The following SGF29 variants were observed in gnomAD, a reference collection of about 807,000 sequenced individuals.
The protein encoded by SGF29 is SAGA-associated factor 29.
Under a neutral mutation model 38.1 loss-of-function variants are expected in SGF29, and 15 were observed. That is an observed-to-expected ratio of 0.39 (90% CI 0.26 to 0.61). The LOEUF is 0.61. Ranked by LOEUF, SGF29 falls within the 20% of genes least tolerant of loss-of-function variation. The probability of loss-of-function intolerance (pLI) is 0.49; values close to 1 mark genes in which losing one functional copy is unlikely to be tolerated. For missense variants in SGF29, 184 were observed against 394.6 expected, an observed-to-expected ratio of 0.47 and a Z score of 4.52; for synonymous variants, 151 against 160.8, an observed-to-expected ratio of 0.94 and a Z score of 0.46.
At position 28,589,288 on chromosome 16, in the gene SGF29, C is replaced by T. The variant is rs2046973094; in HGVS notation, c.289+124C>T. On this transcript the variant is annotated intron_variant, in intron 5 of 9. Transcript: ENST00000317058. ...CTGCTGGCATCCTCCCATGGAGGCT[C>T]TGGCAGACTGGCTCTACCACTGAGA... 5.5e-6 allele frequency: 5 copies of T among 903,494 alleles called. No homozygotes were observed. The Admixed American group carries it at 1.1e-4, about 19-fold the overall frequency. The allele number at this position is 903,494 out of a possible 1,614,324, so 56.0% of individuals were successfully genotyped here.
At chr16:28,579,886 ACAC>A (rs2046915688) in intron 1 of SGF29, among the ~76,000 whole-genome samples, 1 of 151,954 alleles carries the variant, frequency 6.6e-6, no homozygotes, top group Admixed American at 6.5e-5. Context: ...AGCCAAGATC[ACAC>A]CACTGCACTC....
chr16:28,567,659 G>T (rs1448721530), intron 1 of SGF29, among the ~76,000 whole-genome samples: 1 of 152,216 alleles, frequency 6.6e-6, no homozygotes, highest in Non-Finnish European at 1.5e-5. Context: ...GAGAGCTGTA[G>T]AGAAAGCCTC....
intron 1 of SGF29, among the ~76,000 whole-genome samples, chr16:28,579,009 G>A (rs771293698): frequency 4.6e-5 from 7 of 152,022 alleles, no homozygotes; most frequent in Admixed American, 1.3e-4. Context: ...CTGATCTCGA[G>A]CTCCTGGACT....
At chr16:28,574,558 A>G (rs904695035) in intron 1 of SGF29, among the ~76,000 whole-genome samples, 2 of 152,144 alleles carry the variant, frequency 1.3e-5, no homozygotes, top group African/African-American at 4.8e-5. Flanking sequence ...CCTGGCACCT[A>G]GTGGGTGGGG....
chr16:28,565,195 C>T (rs1418749100), intron 1 of SGF29, among the ~76,000 whole-genome samples: 1 of 152,168 alleles, frequency 6.6e-6, no homozygotes, highest in African/African-American at 2.4e-5. Flanking sequence ...ACGGTGCCCA[C>T]CCATATGGAG....
In SGF29 at chr16:28,589,007, C is replaced by A; in HGVS notation, c.225-93C>A. Reference sequence around the variant, plus strand: ...CTCTGGAGTCCGGGACCAGCCTGGGCAATGTAGCTTGACCCAAAACAGAAA... The same window carrying A: ...CTCTGGAGTCCGGGACCAGCCTGGGAAATGTAGCTTGACCCAAAACAGAAA... On this transcript the variant is annotated intron_variant, in intron 4 of 9. Coordinates refer to ENST00000317058, the MANE Select transcript of SGF29 (RefSeq NM_138414.3). 4.4e-6 allele frequency: 6 copies of A among 1,351,394 alleles called. 1 individual carries two copies. Among genetic ancestry groups the A allele is most frequent in the African/African-American group, 1.4e-5 (1 of 69,716 alleles). The allele number at this position is 1,351,394 out of a possible 1,614,324, so 83.7% of individuals were successfully genotyped here.
intron 1 of SGF29, among the ~76,000 whole-genome samples, chr16:28,574,021 A>T (rs540755918): frequency 1.3e-5 from 2 of 152,220 alleles, no homozygotes; most frequent in South Asian, 4.2e-4. Flanking sequence ...TGGTTTTGTT[A>T]CGGGTGGAAG....
chr16:28,581,601 T>A (rs1277209079), intron 2 of SGF29, among the ~76,000 whole-genome samples: 1 of 151,858 alleles, frequency 6.6e-6, no homozygotes, highest in Non-Finnish European at 1.5e-5. Context: ...GGTGGCGCGA[T>A]CTCAGCTCAC....
At chr16:28,556,887 A>T (rs1448431892) in intron 1 of SGF29, among the ~76,000 whole-genome samples, 1 of 151,914 alleles carries the variant, frequency 6.6e-6, no homozygotes, top group Non-Finnish European at 1.5e-5. Context: ...ACTTCAAGTG[A>T]TCCTCCCATT....
intron 1 of SGF29, among the ~76,000 whole-genome samples, chr16:28,560,646 T>C (rs1596595757): frequency 7.4e-6 from 1 of 135,304 alleles, no homozygotes; most frequent in Admixed American, 7.5e-5. Context: ...AACAGGAAAA[T>C]ATGATCTGTG....
chr16:28,589,467 T>C (rs899965312), intron 5 of SGF29: 4 of 351,514 alleles, frequency 1.1e-5, no homozygotes, highest in African/African-American at 8.3e-5. Flanking sequence ...GCCCATCTGT[T>C]GCCCTGGCTG....
chr16:28,591,573 G>C lies in SGF29; in HGVS notation c.766-17G>C. ...TGGGGGTCTCTGAGCAGCCCCTCCT[G>C]TCTGCCTGCCCCACAGCCCCAGGAT... On this transcript the variant is annotated splice_polypyrimidine_tract_variant and intron_variant, in intron 9 of 9. Coordinates refer to ENST00000317058, the MANE Select transcript of SGF29 (RefSeq NM_138414.3). 1.3e-6 allele frequency: 2 copies of C among 1,587,172 alleles called. No individual in the cohort carries two copies. The highest frequency in any genetic ancestry group is 1.7e-6 in the Non-Finnish European group (2 of 1,155,532).
intron 1 of SGF29, among the ~76,000 whole-genome samples, chr16:28,568,603 G>A (rs981351220): frequency 2.0e-5 from 3 of 150,898 alleles, no homozygotes; most frequent in South Asian, 4.2e-4. Flanking sequence ...GGTTGGGGGG[G>A]GCTCACATTC....
intron 1 of SGF29, 32 bp from the exon 2 acceptor site, chr16:28,581,023 A>G: frequency 6.6e-7 from 1 of 1,522,272 alleles, no homozygotes; most frequent in East Asian, 2.3e-5. Flanking sequence ...AGCCACTAAC[A>G]GAGTTCTCTT....
chr16:28,557,965 G>GTTTTTTTTT (rs753237384), intron 1 of SGF29, among the ~76,000 whole-genome samples: 1 of 65,618 alleles, frequency 1.5e-5, no homozygotes, highest in Non-Finnish European at 2.8e-5. Context: ...TTCTTTCTCT[G>GTTTTTTTTT]TTTTTTTTTT....
At chr16:28,582,382 G>C (rs1567291397) in intron 2 of SGF29, among the ~76,000 whole-genome samples, 1 of 151,956 alleles carries the variant, frequency 6.6e-6, no homozygotes, top group Non-Finnish European at 1.5e-5. Context: ...ACCATGATGG[G>C]GGGCACGCAA....
At chr16:28,555,333 G>A (rs1055663220) in intron 1 of SGF29, among the ~76,000 whole-genome samples, 24 of 151,934 alleles carry the variant, frequency 1.6e-4, no homozygotes, top group Non-Finnish European at 3.1e-4. Flanking sequence ...AAAATTAGCC[G>A]GGCGTGGTGG....
intron 1 of SGF29, among the ~76,000 whole-genome samples, chr16:28,565,639 A>G (rs1015334299): frequency 2.0e-5 from 3 of 151,978 alleles, no homozygotes; most frequent in Non-Finnish European, 4.4e-5. Flanking sequence ...CTGGGACTAC[A>G]GGCACCCGCC....
At chr16:28,565,296 C>T (rs1259225761) in intron 1 of SGF29, among the ~76,000 whole-genome samples, 2 of 152,128 alleles carry the variant, frequency 1.3e-5, no homozygotes, top group Non-Finnish European at 2.9e-5. Context: ...CTTCACCAGC[C>T]GTCTAGGCAT....
Sources: allele counts gnomAD v4.1 joint callset (sites outside exome capture counted in the v4.1 genomes callset), GRCh38; gene constraint gnomAD v4.1.1; transcripts MANE v1.5; gene names NCBI Gene and HGNC (gene_info 2026-07-23, HGNC 2026-07-21).